Variants in TPD52 observed in about 807,000 individuals in gnomAD.
The protein encoded by TPD52 is tumor protein D52.
TPD52 carries 17 observed loss-of-function variants against 31.3 expected under a neutral mutation model. The observed-to-expected ratio is 0.54, with a 90% CI of 0.37 to 0.82. TPD52 has a LOEUF of 0.82. TPD52 is among the 40% of genes least tolerant of loss of function. TPD52 has a pLI of 0.00. For synonymous variants in TPD52, 83 were observed against 89.6 expected, an observed-to-expected ratio of 0.93 and a Z score of 0.42; for missense variants, 212 against 240.1, an observed-to-expected ratio of 0.88 and a Z score of 0.77.
At chr8:80,069,404 T>C (rs1052561145) in intron 1 of TPD52, among the ~76,000 whole-genome samples, 1 of 152,088 alleles carries the variant, frequency 6.6e-6, no homozygotes, top group African/African-American at 2.4e-5. Flanking sequence ...AGGTTGAAGC[T>C]GAATGAGCTG....
chr8:80,072,915 C>G (rs1387551252), intron 1 of TPD52, among the ~76,000 whole-genome samples: 1 of 151,792 alleles, frequency 6.6e-6, no homozygotes, highest in Non-Finnish European at 1.5e-5. Flanking sequence ...CCAGCCTGGC[C>G]AACCTGGTGA....
intron 1 of TPD52, among the ~76,000 whole-genome samples, chr8:80,098,612 T>C (rs962761361): frequency 1.3e-5 from 2 of 152,228 alleles, no homozygotes; most frequent in Non-Finnish European, 2.9e-5. Flanking sequence ...CTTGAAGGGA[T>C]AAGGAGTTGC....
chr8:80,152,308 C>G (rs1417793657), intron 1 of TPD52, among the ~76,000 whole-genome samples: 1 of 152,146 alleles, frequency 6.6e-6, no homozygotes, highest in Non-Finnish European at 1.5e-5. Flanking sequence ...CTTGATAGTA[C>G]CTGACAGAAT....
chr8:80,166,172 G>T (rs1488144998), intron 1 of TPD52, among the ~76,000 whole-genome samples: 1 of 152,078 alleles, frequency 6.6e-6, no homozygotes, highest in East Asian at 2.0e-4. Context: ...AAAAATTATG[G>T]CGTGGAGGCA....
At position 80,171,384 on chromosome 8, in the gene TPD52, G is replaced by A. The variant is rs773193140; in HGVS notation, c.19+41C>T. Reference sequence around the variant, plus strand: ...AGCCAAAGCCCGAGTCCAAGCCCGAGTCCAAGCCCGAGCCCAAGCCCGCTG... The same window carrying A: ...AGCCAAAGCCCGAGTCCAAGCCCGAATCCAAGCCCGAGCCCAAGCCCGCTG... On this transcript the variant is annotated intron_variant, in intron 1 of 7. Transcript: ENST00000518937. The A allele has an allele frequency of 5.0e-6, 8 of 1,586,228 alleles. No homozygotes were observed. The South Asian group carries it at 8.9e-5, about 18-fold the overall frequency.
At chr8:80,099,573 T>A (rs1164559263) in intron 1 of TPD52, among the ~76,000 whole-genome samples, 4 of 150,010 alleles carry the variant, frequency 2.7e-5, no homozygotes, top group African/African-American at 9.8e-5. Flanking sequence ...TGCAGTGGTG[T>A]GATCTCGGCT....
At chr8:80,124,626 G>A (rs970925759) in intron 1 of TPD52, among the ~76,000 whole-genome samples, 7 of 152,098 alleles carry the variant, frequency 4.6e-5, no homozygotes, top group African/African-American at 1.7e-4. Context: ...AATTGATAGT[G>A]TCTTAAATTA....
chr8:80,099,526 T>C (rs1412405729), intron 1 of TPD52, among the ~76,000 whole-genome samples: 1 of 147,146 alleles, frequency 6.8e-6, no homozygotes, highest in Non-Finnish European at 1.5e-5. Flanking sequence ...TTTTTTTTTT[T>C]TTGAGATGAA....
At chr8:80,109,327 T>C (rs1807345891) in intron 1 of TPD52, among the ~76,000 whole-genome samples, 1 of 152,214 alleles carries the variant, frequency 6.6e-6, no homozygotes, top group Non-Finnish European at 1.5e-5. Flanking sequence ...GGTCAATCAC[T>C]ATTCTTACTG....
At chr8:80,040,756 T>C (rs1246396102) in intron 7 of TPD52, among the ~76,000 whole-genome samples, 1 of 152,210 alleles carries the variant, frequency 6.6e-6, no homozygotes, top group East Asian at 1.9e-4. Context: ...ATTTTAGTAA[T>C]CCTTGACTTC....
chr8:80,110,185 ATTAG>A (rs922576935), intron 1 of TPD52, among the ~76,000 whole-genome samples: 21 of 152,266 alleles, frequency 1.4e-4, no homozygotes, highest in African/African-American at 4.6e-4. Context: ...CCATAGAAAT[ATTAG>A]TTAGTTTGGT....
Position 80,037,233 on chromosome 8 carries a change from T to C in TPD52, c.*883A>G, listed in dbSNP as rs1809968349. 1 of 152,618 alleles carries C rather than the reference T, an allele frequency of 6.6e-6. No homozygotes were observed. Among genetic ancestry groups the C allele is most frequent in the South Asian group, 2.1e-4 (1 of 4,834 alleles). 9.5% of individuals were successfully genotyped at this position (152,618 alleles called of 1,614,324 possible). ...GACAACAATGGTTCCCCTAATGTGATTGATATTGTCATTTTTACCAGCTTC... is the reference window on the plus strand; with the variant it reads ...GACAACAATGGTTCCCCTAATGTGACTGATATTGTCATTTTTACCAGCTTC... On this transcript the variant is annotated 3_prime_UTR_variant, in exon 8 of 8. Transcript: ENST00000518937.
intron 1 of TPD52, among the ~76,000 whole-genome samples, chr8:80,072,798 C>CACACATATATATATATATATAT (rs977939775): frequency 5.0e-5 from 7 of 141,080 alleles, no homozygotes; most frequent in African/African-American, 2.1e-4. Flanking sequence ...CACACACACA[C>CACACATATATATATATATATAT]ATATATATAT....
At chr8:80,095,704 G>T (rs34044208) in intron 1 of TPD52, among the ~76,000 whole-genome samples, 54,033 of 150,158 alleles carry the variant, frequency 0.36, 11,216 homozygotes, top group East Asian at 0.73. Context: ...CCAAGCACTT[G>T]GGAGGCCAAG....
intron 2 of TPD52, among the ~76,000 whole-genome samples, chr8:80,059,395 T>A: frequency 6.7e-6 from 1 of 148,724 alleles, no homozygotes; most frequent in African/African-American, 2.5e-5. Context: ...TAGAGAAAAA[T>A]TTAAAAAATA....
downstream of TPD52, chr8:80,033,268 A>C (rs925312182): frequency 7.1e-6 from 1 of 141,414 alleles, no homozygotes; most frequent in Non-Finnish European, 1.5e-5. Context: ...GAAGGGCTCA[A>C]CTCTTCTCGT....
At chr8:80,078,352 G>C (rs1586246899) in intron 1 of TPD52, among the ~76,000 whole-genome samples, 1 of 152,186 alleles carries the variant, frequency 6.6e-6, no homozygotes, top group African/African-American at 2.4e-5. Flanking sequence ...TTACTTGTCT[G>C]GTGATTAAGA....
At chr8:80,144,899 C>T (rs971046495) in intron 1 of TPD52, among the ~76,000 whole-genome samples, 1 of 151,974 alleles carries the variant, frequency 6.6e-6, no homozygotes, top group Non-Finnish European at 1.5e-5. Flanking sequence ...AAAAAAAAAC[C>T]TAATAAGCAT....
At chr8:80,045,629 A>G (rs1295802830) in intron 5 of TPD52, among the ~76,000 whole-genome samples, 2 of 152,224 alleles carry the variant, frequency 1.3e-5, no homozygotes, top group African/African-American at 4.8e-5. Context: ...GGTAGAGCAG[A>G]TGAGGTCAGG....
Sources: gnomAD v4.1 joint callset for allele counts (sites outside exome capture counted in the v4.1 genomes callset) on GRCh38, gnomAD v4.1.1 for gene constraint, MANE v1.5 for transcripts, NCBI Gene and HGNC (gene_info 2026-07-23, HGNC 2026-07-21) for gene names.